Variants in ADTRP observed in about 807,000 individuals in gnomAD.
The protein encoded by ADTRP is androgen-dependent TFPI-regulating protein.
In ADTRP, 20 loss-of-function variants were observed where a neutral mutation model predicts 27.0. The ratio of observed to expected loss-of-function variants is 0.74; its 90% CI spans 0.52 to 1.08. The LOEUF (loss-of-function observed/expected upper bound fraction) is 1.08, where lower values mean the gene tolerates loss of function less well. Among genes scored for constraint, ADTRP ranks in the 50% least tolerant of loss-of-function variants. The pLI is 0.00. For missense variants in ADTRP, 251 were observed against 275.0 expected (o/e 0.91, Z 0.62); for synonymous variants, 101 against 105.2 (o/e 0.96, Z 0.25).
At chr6:11,735,970 G>A (rs1201922472) in intron 3 of ADTRP, 1 of 281,018 alleles carries the variant, frequency 3.6e-6, no homozygotes, top group Non-Finnish European at 6.8e-6. Flanking sequence ...GGCGGGGGTG[G>A]GGGGTGGAGA....
intron 4 of ADTRP, among the ~76,000 whole-genome samples, chr6:11,734,808 T>A (rs1163240795): frequency 6.6e-6 from 1 of 152,168 alleles, no homozygotes; most frequent in Non-Finnish European, 1.5e-5. Context: ...TTGTCACACA[T>A]GAATAGCTTG....
At chr6:11,746,214 G>A (rs557980168) in intron 3 of ADTRP, among the ~76,000 whole-genome samples, 1 of 152,302 alleles carries the variant, frequency 6.6e-6, no homozygotes, top group Admixed American at 6.5e-5. Flanking sequence ...ACACTCAGAG[G>A]AGAAATCCAG....
chr6:11,719,099 A>G (rs1318542197), intron 5 of ADTRP, among the ~76,000 whole-genome samples: 2 of 152,238 alleles, frequency 1.3e-5, no homozygotes, highest in African/African-American at 4.8e-5. Flanking sequence ...CACCCTTCTC[A>G]GTCCAGCAGC....
At chr6:11,767,228 C>T (rs1172620058) in intron 2 of ADTRP, among the ~76,000 whole-genome samples, 1 of 152,068 alleles carries the variant, frequency 6.6e-6, no homozygotes, top group South Asian at 2.1e-4. Context: ...AAAAAAGTAG[C>T]CAGGTGAGAC....
intron 3 of ADTRP, among the ~76,000 whole-genome samples, chr6:11,762,574 C>A (rs547382551): frequency 6.6e-6 from 1 of 152,156 alleles, no homozygotes; most frequent in Non-Finnish European, 1.5e-5. Context: ...TGTTTTGAAA[C>A]CCCCCTTAAC....
At chr6:11,720,378 G>T (rs550731336) in intron 5 of ADTRP, among the ~76,000 whole-genome samples, 3 of 152,170 alleles carry the variant, frequency 2.0e-5, no homozygotes, top group African/African-American at 7.2e-5. Context: ...ACCTGGGCTT[G>T]GTGGTCACTC....
chr6:11,768,289 C>G lies in ADTRP; in HGVS notation c.248G>C (p.Arg83Thr), dbSNP rs762328175. 6.2e-7 allele frequency: 1 copy of G among 1,614,092 alleles called. No individual in the cohort carries two copies. The highest frequency in any genetic ancestry group is 1.3e-5 in the African/African-American group (1 of 74,938). Residue 83 changes from arginine to threonine, a missense_variant, in exon 2 of 6, where the codon AGA (arginine) becomes ACA (threonine). Transcript: ENST00000414691. ...GKDIKFLTAF[R>T]DLLFTTLAFP... Reference sequence around the variant, plus strand: ...AGCCAGAGTGGTGAAAAGCAGGTCTCTGAAGGCAGTTAGGAACTTAATGTC... The same window carrying G: ...AGCCAGAGTGGTGAAAAGCAGGTCTGTGAAGGCAGTTAGGAACTTAATGTC...
chr6:11,730,129 C>T (rs906322609), intron 4 of ADTRP, among the ~76,000 whole-genome samples: 3 of 152,332 alleles, frequency 2.0e-5, no homozygotes, highest in Admixed American at 2.0e-4. Flanking sequence ...ATACCCTCTC[C>T]TCTCCTAGTC....
chr6:11,777,329 T>G (rs1290858680), intron 1 of ADTRP, among the ~76,000 whole-genome samples: 4 of 152,092 alleles, frequency 2.6e-5, no homozygotes, highest in African/African-American at 9.7e-5. Flanking sequence ...TAGCCACACA[T>G]AGTGTGAGGT....
rs150933984 is a variant in ADTRP at position 11,744,196 on chromosome 6, A to G, written c.391-8513T>C. Among the ~76,000 whole-genome samples the G allele has an allele frequency of 4.1e-3, 625 of 152,214 alleles. 2 individuals are homozygous for G. Among genetic ancestry groups the G allele is most frequent in the Admixed American group, 6.9e-3 (105 of 15,288 alleles). On this transcript the variant is annotated intron_variant, in intron 3 of 5. Coordinates refer to ENST00000414691, the MANE Select transcript of ADTRP (RefSeq NM_032744.4). ...CTCTCTTCTTCTCTTTCCATGTGAC[A>G]TGACATCTCCCTTGCTTTCTGCCAT...
chr6:11,766,154 G>A, intron 3 of ADTRP, 120 bp downstream of exon 3: 2 of 682,444 alleles, frequency 2.9e-6, no homozygotes, highest in Non-Finnish European at 4.9e-6. Context: ...TAAATAAACA[G>A]TGATGAGGTA....
At chr6:11,754,408 T>C (rs1293735799) in intron 3 of ADTRP, among the ~76,000 whole-genome samples, 1 of 152,122 alleles carries the variant, frequency 6.6e-6, no homozygotes, top group Non-Finnish European at 1.5e-5. Flanking sequence ...CTTCTCTATA[T>C]AAATGGACTT....
At chr6:11,767,634 T>A (rs1763617442) in intron 2 of ADTRP, 1 of 152,188 alleles carries the variant, frequency 6.6e-6, no homozygotes, top group African/African-American at 2.4e-5. Context: ...GTCATAGAAA[T>A]GTGGATGGCA....
intron 4 of ADTRP, among the ~76,000 whole-genome samples, chr6:11,731,653 A>G (rs1762384634): frequency 6.6e-6 from 1 of 151,674 alleles, no homozygotes; most frequent in Non-Finnish European, 1.5e-5. Context: ...TTCTAGCTCC[A>G]ATCCTGCCGG....
chr6:11,723,649 A>G, intron 4 of ADTRP, 149 bp from the exon 5 acceptor site: 4 of 881,364 alleles, frequency 4.5e-6, no homozygotes, highest in Non-Finnish European at 7.0e-6. Context: ...CCACAAACCT[A>G]AAGAAGTGAG....
chr6:11,750,812 C>T (rs1440186392), intron 3 of ADTRP, among the ~76,000 whole-genome samples: 1 of 152,176 alleles, frequency 6.6e-6, no homozygotes, highest in East Asian at 1.9e-4. Context: ...GTACTCTGAC[C>T]TCCTGCACAT....
chr6:11,746,466 C>T (rs1372315008), intron 3 of ADTRP, among the ~76,000 whole-genome samples: 1 of 152,132 alleles, frequency 6.6e-6, no homozygotes, highest in Non-Finnish European at 1.5e-5. Context: ...TAAGCAGCAT[C>T]CTTGGCTTCT....
chr6:11,724,593 T>C (rs1022034264), intron 4 of ADTRP, among the ~76,000 whole-genome samples: 1 of 152,084 alleles, frequency 6.6e-6, no homozygotes, highest in Admixed American at 6.5e-5. Context: ...CTTTAAAAAA[T>C]TAAATGTGGG....
chr6:11,752,822 A>G (rs1328190441), intron 3 of ADTRP, among the ~76,000 whole-genome samples: 2 of 152,232 alleles, frequency 1.3e-5, no homozygotes, highest in African/African-American at 4.8e-5. Context: ...AAGGGATTCT[A>G]GCAACAGTGG....
Sources: gnomAD v4.1 joint callset for allele counts (sites outside exome capture counted in the v4.1 genomes callset) on GRCh38, gnomAD v4.1.1 for gene constraint, MANE v1.5 for transcripts, NCBI Gene and HGNC (gene_info 2026-07-23, HGNC 2026-07-21) for gene names.